Variants in FHAD1 observed in about 807,000 individuals in gnomAD.
FHAD1 encodes the protein forkhead associated phosphopeptide binding domain 1.
FHAD1 carries 146 observed loss-of-function variants against 191.3 expected under a neutral mutation model. The ratio of observed to expected loss-of-function variants is 0.76; its 90% confidence interval spans 0.67 to 0.88. The LOEUF is 0.88. FHAD1 is among the 40% of genes least tolerant of loss of function. FHAD1 has a pLI of 0.00. For missense variants in FHAD1, 1,635 were observed against 1,785.8 expected, an observed-to-expected ratio of 0.92 and a Z score of 1.52; for synonymous variants, 616 against 672.3, an observed-to-expected ratio of 0.92 and a Z score of 1.29.
At position 15,388,298 on chromosome 1, in the gene FHAD1, C is replaced by T. The variant is rs1409738534; in HGVS notation, c.4269+167C>T. On this transcript the variant is annotated intron_variant, in intron 32 of 33. Coordinates refer to ENST00000688493, the MANE Select transcript of FHAD1 (RefSeq NM_001391957.1). ...GCCCCTCGTCCCTCCCTCCCTCCTTCCCTTCCCTCCCCAGGCCCTGCCCCA... is the reference window on the plus strand; with the variant it reads ...GCCCCTCGTCCCTCCCTCCCTCCTTTCCTTCCCTCCCCAGGCCCTGCCCCA... 6 of 227,124 alleles carry T rather than the reference C, an allele frequency of 2.6e-5. No homozygotes were observed. The East Asian group carries it at 1.1e-3, about 43-fold the overall frequency. 14.1% of individuals were successfully genotyped at this position (227,124 alleles called of 1,614,324 possible). A position where few individuals can be genotyped will look rare whatever the true frequency, so the allele number is the denominator to read the frequency against.
At chr1:15,341,283 C>A (rs1019462370) in intron 15 of FHAD1, among the ~76,000 whole-genome samples, 4 of 152,198 alleles carry the variant, frequency 2.6e-5, no homozygotes, top group Non-Finnish European at 5.9e-5. Context: ...TGGTCTAGTC[C>A]CTTCTCCTTA....
chr1:15,327,156 C>G lies in FHAD1; in HGVS notation c.1557+14C>G. On this transcript the variant is annotated intron_variant, in intron 12 of 33. Transcript: ENST00000688493. The surrounding 1 kb of genome is among the most constrained non-coding windows in gnomAD (Gnocchi z 5.1). The stretch of plus-strand genomic sequence containing the variant: ...ACCGACCAACAGGTTAGTCTGCCGT[C>G]CCTGCCACGTGGCTCCTTCACTTTC... 1 of 1,536,876 alleles carries G rather than the reference C, an allele frequency of 6.5e-7. No homozygotes were observed. Among genetic ancestry groups the G allele is most frequent in the Non-Finnish European group, 8.8e-7 (1 of 1,133,958 alleles).
At chr1:15,241,161 T>C (rs1489422773) in intron 1 of FHAD1, among the ~76,000 whole-genome samples, 4 of 151,960 alleles carry the variant, frequency 2.6e-5, no homozygotes, top group African/African-American at 4.8e-5. Context: ...AGCTGCTAAG[T>C]TTGTGGTAGT....
chr1:15,383,820 G>A (rs766619240), intron 31 of FHAD1: 44 of 424,172 alleles, frequency 1.0e-4, no homozygotes, highest in Non-Finnish European at 1.7e-4. Context: ...AGGAAACTGC[G>A]CCTCAGAGAG....
At chr1:15,305,751 C>T (rs1322268482) in intron 6 of FHAD1, 1 of 448,200 alleles carries the variant, frequency 2.2e-6, no homozygotes, top group East Asian at 7.3e-5. Context: ...TTTTCTCTTG[C>T]CGCCGCCATG....
intron 21 of FHAD1, among the ~76,000 whole-genome samples, chr1:15,359,069 G>GCC (rs1327223985): frequency 6.6e-6 from 1 of 152,082 alleles, no homozygotes; most frequent in African/African-American, 2.4e-5. Context: ...CACACTTCAG[G>GCC]CCAGGGCGCC....
At chr1:15,389,439 AC>A (rs1251470487) in intron 32 of FHAD1, among the ~76,000 whole-genome samples, 1 of 136,112 alleles carries the variant, frequency 7.3e-6, no homozygotes. Flanking sequence ...CAGAGGAAGA[AC>A]CTGTCTCAAA....
chr1:15,348,018 C>G (rs1689541299), intron 18 of FHAD1, among the ~76,000 whole-genome samples: 1 of 152,142 alleles, frequency 6.6e-6, no homozygotes. Context: ...GCAGAGCCAA[C>G]CCTAAGTCCC....
At chr1:15,351,766 C>T (rs1346907781) in intron 19 of FHAD1, among the ~76,000 whole-genome samples, 1 of 151,684 alleles carries the variant, frequency 6.6e-6, no homozygotes, top group Non-Finnish European at 1.5e-5. Context: ...ACAGATTGGA[C>T]CATCTTAAGC....
At chr1:15,391,008 C>A (rs921371499) in intron 32 of FHAD1, 7 of 270,342 alleles carry the variant, frequency 2.6e-5, no homozygotes, top group African/African-American at 1.1e-4. Context: ...CACTGTGGCT[C>A]CCAAAAGCTG....
In FHAD1 at chr1:15,329,828, G is replaced by A; in HGVS notation, c.1906+287G>A. The stretch of plus-strand genomic sequence containing the variant: ...CTAATTACGCTGTTTAACCTCCAAG[G>A]CATTTTCCCATGGAAATAACCGCGT... On this transcript the variant is annotated intron_variant, in intron 14 of 33. Coordinates refer to ENST00000688493, the MANE Select transcript of FHAD1 (RefSeq NM_001391957.1). This position sits in a 1 kb window ranked among gnomAD's most constrained non-coding sequence, Gnocchi z 5.0. 2.6e-6 allele frequency: 1 copy of A among 385,492 alleles called. No individual in the cohort carries two copies. The highest frequency in any genetic ancestry group is 3.8e-5 in the South Asian group (1 of 26,152). The allele number at this position is 385,492 out of a possible 1,614,324, so 23.9% of individuals were successfully genotyped here. A position where few individuals can be genotyped will look rare whatever the true frequency, so the allele number is the denominator to read the frequency against.
chr1:15,329,013 T>C lies in FHAD1; in HGVS notation c.1711-333T>C, dbSNP rs1680098693. On this transcript the variant is annotated intron_variant, in intron 13 of 33. Coordinates refer to ENST00000688493, the MANE Select transcript of FHAD1 (RefSeq NM_001391957.1). The surrounding 1 kb of genome is among the most constrained non-coding windows in gnomAD (Gnocchi z 5.0). The stretch of plus-strand genomic sequence containing the variant: ...CACGCTTTCCGACCAGCTTGTGTGT[T>C]GATCTTGGCAGGAATTCTGACGAAT... 5.6e-6 allele frequency: 1 copy of C among 179,956 alleles called. No individual in the cohort carries two copies. The highest frequency in any genetic ancestry group is 1.2e-5 in the Non-Finnish European group (1 of 86,886). 11.1% of individuals were successfully genotyped at this position (179,956 alleles called of 1,614,324 possible). A position where few individuals can be genotyped will look rare whatever the true frequency, so the allele number is the denominator to read the frequency against.
chr1:15,329,174 C>T lies in FHAD1; in HGVS notation c.1711-172C>T, dbSNP rs1680194599. ...CCAAATTAGAGTATTAAAAAAAAAC[C>T]TGTCAAAACATAAAAATTTTAAAAA... On this transcript the variant is annotated intron_variant, in intron 13 of 33. Coordinates refer to ENST00000688493, the MANE Select transcript of FHAD1 (RefSeq NM_001391957.1). This position sits in a 1 kb window ranked among gnomAD's most constrained non-coding sequence, Gnocchi z 5.0. 1.9e-6 allele frequency: 1 copy of T among 518,060 alleles called. No individual in the cohort carries two copies. The highest frequency in any genetic ancestry group is 3.4e-6 in the Non-Finnish European group (1 of 293,148). The allele number at this position is 518,060 out of a possible 1,614,324, so 32.1% of individuals were successfully genotyped here.
Position 15,329,656 on chromosome 1 carries a change from C to T in FHAD1, c.1906+115C>T, listed in dbSNP as rs1315779239. On this transcript the variant is annotated intron_variant, in intron 14 of 33. Transcript: ENST00000688493. This position sits in a 1 kb window ranked among gnomAD's most constrained non-coding sequence, Gnocchi z 5.0. ...TCCTGGGTATCTGGCCAAGTCTATT[C>T]CCTTCTCCAGAACCCCCTGCTTCTC... 1.4e-5 allele frequency: 13 copies of T among 923,546 alleles called. No individual in the cohort carries two copies. Among genetic ancestry groups the T allele is most frequent in the Admixed American group, 7.5e-5 (3 of 40,244 alleles). The allele number at this position is 923,546 out of a possible 1,614,324, so 57.2% of individuals were successfully genotyped here.
intron 4 of FHAD1, among the ~76,000 whole-genome samples, chr1:15,293,718 C>CA (rs1426633278): frequency 6.6e-6 from 1 of 152,192 alleles, no homozygotes; most frequent in South Asian, 2.1e-4. Context: ...GATTCTACCT[C>CA]AAAAAACCAA....
chr1:15,296,293 A>G (rs1043151684), intron 4 of FHAD1, among the ~76,000 whole-genome samples: 1 of 141,152 alleles, frequency 7.1e-6, no homozygotes, highest in African/African-American at 2.7e-5. Flanking sequence ...TCGCTCTGTC[A>G]CCCAGGCTGG....
chr1:15,375,565 T>G (rs751531515), intron 27 of FHAD1, 38 bp from the exon 28 acceptor site: 3 of 1,490,522 alleles, frequency 2.0e-6, no homozygotes, highest in Middle Eastern at 1.8e-4. Context: ...AACTTCTTCC[T>G]GAGCCTTTCT....
At chr1:15,361,869 G>T (rs2102678994) in intron 22 of FHAD1, among the ~76,000 whole-genome samples, 1 of 152,192 alleles carries the variant, frequency 6.6e-6, no homozygotes, top group Non-Finnish European at 1.5e-5. Context: ...GCCGGGCCTG[G>T]TGGCGCGCGC....
intron 26 of FHAD1, among the ~76,000 whole-genome samples, chr1:15,373,795 G>A (rs981328067): frequency 3.3e-5 from 5 of 152,154 alleles, no homozygotes; most frequent in South Asian, 2.1e-4. Flanking sequence ...ACAGTGAGCC[G>A]TGATCATGCC....
Sources: gnomAD v4.1 joint callset for allele counts (sites outside exome capture counted in the v4.1 genomes callset) on GRCh38, gnomAD v4.1.1 for gene constraint, Gnocchi (gnomAD v3.1) non-coding constraint, MANE v1.5 for transcripts, NCBI Gene and HGNC (gene_info 2026-07-23, HGNC 2026-07-21) for gene names.